Variants in ZNF44 observed in about 807,000 individuals in gnomAD.
ZNF44 encodes gonadotropin inducible transcription repressor-2.
In ZNF44, 9 loss-of-function variants were observed where a neutral mutation model predicts 11.7. The ratio of observed to expected loss-of-function variants is 0.77; its 90% confidence interval spans 0.46 to 1.35. The LOEUF (loss-of-function observed/expected upper bound fraction) is 1.35. Among genes scored for constraint, ZNF44 ranks in the 40% most tolerant of loss-of-function variants. The pLI is 0.00. For synonymous variants in ZNF44, 224 were observed against 242.7 expected (o/e 0.92, Z 0.72); for missense variants, 696 against 743.1 (o/e 0.94, Z 0.74).
At chr19:12,279,199 T>G (rs1203991788) in intron 1 of ZNF44, among the ~76,000 whole-genome samples, 1 of 152,140 alleles carries the variant, frequency 6.6e-6, no homozygotes, top group Non-Finnish European at 1.5e-5. Flanking sequence ...AAATACAGTC[T>G]CTGCAAACTA....
downstream of ZNF44, among the ~76,000 whole-genome samples, chr19:12,270,988 A>G (rs1050355906): frequency 5.9e-5 from 9 of 152,154 alleles, no homozygotes; most frequent in African/African-American, 2.2e-4. Context: ...AAATGTTGCA[A>G]AGAAAGTTGG....
chr19:12,272,197 G>C lies in ZNF44; in HGVS notation c.*210C>G, dbSNP rs1377863904. 1 of 717,578 alleles carries C rather than the reference G, an allele frequency of 1.4e-6. No homozygotes were observed. The highest frequency in any genetic ancestry group is 3.5e-5 in the East Asian group (1 of 28,448). 44.5% of individuals were successfully genotyped at this position (717,578 alleles called of 1,614,324 possible). A position where few individuals can be genotyped will look rare whatever the true frequency, so the allele number is the denominator to read the frequency against. On this transcript the variant is annotated 3_prime_UTR_variant, in exon 4 of 4. Coordinates refer to ENST00000355684, the MANE Select transcript of ZNF44 (RefSeq NM_016264.4). ...TTTTCCGTATTTTTAGTAGAGACAGGGTTTCCCATGTTAGCCAGGCTGGTC... is the reference window on the plus strand; with the variant it reads ...TTTTCCGTATTTTTAGTAGAGACAGCGTTTCCCATGTTAGCCAGGCTGGTC...
chr19:12,250,201 C>T (rs1471843852), intron 6 of ZNF44: 2 of 1,323,024 alleles, frequency 1.5e-6, no homozygotes, highest in East Asian at 9.4e-5. Context: ...AAGGTATTCT[C>T]TAATTCATTC....
intron 5 of ZNF44, among the ~76,000 whole-genome samples, chr19:12,259,211 A>G (rs139132133): frequency 6.6e-6 from 1 of 152,284 alleles, no homozygotes; most frequent in East Asian, 1.9e-4. Context: ...TCTATAATAC[A>G]ACCAAGAATG....
At chr19:12,240,444 C>CA (rs56300338), upstream of ZNF44, among the ~76,000 whole-genome samples, 4,727 of 102,208 alleles carry the variant, frequency 0.046, 134 homozygotes, top group Middle Eastern at 0.081. Context: ...GATTCTATCT[C>CA]AAAAAAAAAA....
downstream of ZNF44, among the ~76,000 whole-genome samples, chr19:12,268,418 C>G (rs914478509): frequency 2.0e-5 from 3 of 152,094 alleles, no homozygotes; most frequent in Admixed American, 2.0e-4. Flanking sequence ...TATTTCTGGT[C>G]TCTCTATTCT....
At chr19:12,238,087 C>T (rs887561162), upstream of ZNF44, 5 of 152,216 alleles carry the variant, frequency 3.3e-5, no homozygotes, top group African/African-American at 1.2e-4. Flanking sequence ...AAGGCTTCCT[C>T]ATACCTTATC....
At chr19:12,227,124 C>A (rs1915954843) in intron 3 of ZNF44, among the ~76,000 whole-genome samples, 1 of 152,200 alleles carries the variant, frequency 6.6e-6, no homozygotes, top group South Asian at 2.1e-4. Context: ...GCAGTTAATT[C>A]CTGTCCTGAT....
chr19:12,257,951 A>G (rs1174140623), intron 5 of ZNF44, among the ~76,000 whole-genome samples: 2 of 151,902 alleles, frequency 1.3e-5, no homozygotes, highest in African/African-American at 4.8e-5. Flanking sequence ...AGCCTGGGCG[A>G]TAGAGCGAAA....
chr19:12,234,051 G>C (rs1916276488), intron 2 of ZNF44, among the ~76,000 whole-genome samples: 1 of 147,236 alleles, frequency 6.8e-6, no homozygotes. Flanking sequence ...GACAGAGTGA[G>C]ACTCTGTCTT....
intron 5 of ZNF44, among the ~76,000 whole-genome samples, chr19:12,253,821 A>G (rs577033964): frequency 2.4e-4 from 37 of 152,188 alleles, no homozygotes; most frequent in African/African-American, 8.4e-4. Context: ...TCTACTTAAA[A>G]TACAAAAATT....
exon 8 of ZNF44, chr19:12,248,226 T>C (rs1321100502): frequency 7.7e-6 from 10 of 1,304,790 alleles, no homozygotes; most frequent in Non-Finnish European, 1.0e-5. Context: ...AGCCTTTTCA[T>C]GTTTTTGAGC....
chr19:12,256,695 CTCTTTTT>C (rs1917273269), intron 5 of ZNF44, among the ~76,000 whole-genome samples: 1 of 135,010 alleles, frequency 7.4e-6, no homozygotes, highest in African/African-American at 2.9e-5. Flanking sequence ...AGAGCAATTA[CTCTTTTT>C]TTTTTTTTTT....
chr19:12,236,631 C>T (rs1916399696), intron 1 of ZNF44, among the ~76,000 whole-genome samples: 2 of 152,194 alleles, frequency 1.3e-5, no homozygotes, highest in Admixed American at 6.5e-5. Context: ...ACAACCTTGC[C>T]TATCAGATGA....
intron 3 of ZNF44, among the ~76,000 whole-genome samples, chr19:12,229,529 A>T (rs1916066623): frequency 6.6e-6 from 1 of 152,194 alleles, no homozygotes; most frequent in Non-Finnish European, 1.5e-5. Flanking sequence ...TTCCAGGAAA[A>T]CAAGATCTAT....
chr19:12,240,739 T>C (rs1330162464), upstream of ZNF44, among the ~76,000 whole-genome samples: 6 of 152,170 alleles, frequency 3.9e-5, no homozygotes, highest in African/African-American at 1.4e-4. Flanking sequence ...GAAAACTGGG[T>C]ATCTACATTC....
chr19:12,292,549 C>T (rs1399794944), intron 1 of ZNF44, among the ~76,000 whole-genome samples: 4 of 152,074 alleles, frequency 2.6e-5, no homozygotes, highest in African/African-American at 7.2e-5. Flanking sequence ...CTCACTCAAC[C>T]GTCAGGTCAG....
intron 1 of ZNF44, among the ~76,000 whole-genome samples, chr19:12,281,064 A>G (rs946956753): frequency 3.3e-5 from 5 of 152,222 alleles, no homozygotes; most frequent in African/African-American, 1.2e-4. Context: ...CACTAATGAT[A>G]TAGCTGAACT....
chr19:12,235,639 G>A (rs560718350), intron 1 of ZNF44, among the ~76,000 whole-genome samples: 1 of 152,208 alleles, frequency 6.6e-6, no homozygotes, highest in South Asian at 2.1e-4. Flanking sequence ...AATCATTACA[G>A]GTGTACAAGG....
Sources: gnomAD v4.1 joint callset for allele counts (sites outside exome capture counted in the v4.1 genomes callset) on GRCh38, gnomAD v4.1.1 for gene constraint, MANE v1.5 for transcripts, NCBI Gene and HGNC (gene_info 2026-07-23, HGNC 2026-07-21) for gene names.